ACO2: variants seen among roughly 807,000 people sequenced by gnomAD.
The protein encoded by ACO2 is aconitate hydratase, mitochondrial.
ACO2 carries 31 observed loss-of-function variants against 84.5 expected under a neutral mutation model. The observed-to-expected ratio is 0.37, with a 90% CI of 0.28 to 0.50. ACO2 has a LOEUF of 0.50. Ranked by LOEUF, ACO2 falls within the 20% of genes least tolerant of loss-of-function variation. ACO2 has a pLI of 0.97. For missense variants in ACO2, 685 were observed against 1,029.3 expected (o/e 0.67, Z 4.58); for synonymous variants, 414 against 412.7 (o/e 1.00, Z -0.04).
At chr22:41,517,921 T>C (rs1183975703) in intron 7 of ACO2, among the ~76,000 whole-genome samples, 1 of 152,256 alleles carries the variant, frequency 6.6e-6, no homozygotes, top group Non-Finnish European at 1.5e-5. Context: ...CTTCTCGGCC[T>C]GGTCCCTGCT....
chr22:41,527,362 G>A lies in ACO2; in HGVS notation c.2028G>A (p.Leu676=). 1.2e-6 allele frequency: 2 copies of A among 1,614,042 alleles called. No homozygotes were observed. The highest frequency in any genetic ancestry group is 8.5e-7 in the Non-Finnish European group (1 of 1,180,006). Residue 676 remains leucine, a synonymous_variant, in exon 16 of 18, where the codon CTG becomes CTA. Transcript: ENST00000216254. ...GEGSSREHAA[L]EPRHLGGRAI... ...GCTCGAGCCGGGAGCATGCAGCTCT[G>A]GAGCCTCGCCACCTTGGGGGCCGGG...
At chr22:41,523,333 C>T (rs2066542863) in intron 11 of ACO2, 55 bp downstream of exon 11, 2 of 1,398,236 alleles carry the variant, frequency 1.4e-6, no homozygotes, top group South Asian at 2.6e-5. Flanking sequence ...TACAGAGCCC[C>T]AGAAGTTGGA....
intron 1 of ACO2, among the ~76,000 whole-genome samples, chr22:41,471,212 T>C (rs908451056): frequency 2.6e-5 from 4 of 152,208 alleles, no homozygotes; most frequent in Non-Finnish European, 5.9e-5. Context: ...TAACCTCTTA[T>C]ACAGGTGGAA....
intron 1 of ACO2, chr22:41,469,401 G>A (rs953052517): frequency 4.1e-6 from 2 of 490,338 alleles, no homozygotes; most frequent in Admixed American, 8.4e-5. Context: ...TGCCTCGCAA[G>A]AAGCGTGGGC....
chr22:41,497,140 C>A (rs989104703), intron 1 of ACO2, among the ~76,000 whole-genome samples: 1 of 151,742 alleles, frequency 6.6e-6, no homozygotes, highest in Non-Finnish European at 1.5e-5. Context: ...GTGATCTTGG[C>A]TCACTGCAAC....
At chr22:41,524,422 C>T (rs2066558362) in intron 12 of ACO2, among the ~76,000 whole-genome samples, 1 of 152,170 alleles carries the variant, frequency 6.6e-6, no homozygotes, top group South Asian at 2.1e-4. Flanking sequence ...TGGCCAGGCT[C>T]TCTTGACTTG....
At chr22:41,512,292 G>T in intron 4 of ACO2, 1 of 244,986 alleles carries the variant, frequency 4.1e-6, no homozygotes, top group Non-Finnish European at 7.9e-6. Context: ...ACAGAACATG[G>T]TATTATTTTG....
intron 1 of ACO2, among the ~76,000 whole-genome samples, chr22:41,491,543 T>C (rs1050525075): frequency 6.6e-5 from 10 of 152,168 alleles, no homozygotes; most frequent in African/African-American, 2.4e-4. Context: ...CTAAGGCTTC[T>C]GGAAAATGCT....
intron 2 of ACO2, 47 bp from the exon 3 acceptor site, chr22:41,507,743 AG>A (rs2066404253): frequency 6.3e-7 from 1 of 1,579,140 alleles, no homozygotes; most frequent in Admixed American, 1.7e-5. Flanking sequence ...GGGCGGGAGG[AG>A]GCCGTGCAGC....
At chr22:41,480,961 A>G (rs938588270) in intron 1 of ACO2, among the ~76,000 whole-genome samples, 1 of 152,064 alleles carries the variant, frequency 6.6e-6, no homozygotes, top group African/African-American at 2.4e-5. Context: ...GACTATAGAC[A>G]CAGGCTAATT....
intron 1 of ACO2, among the ~76,000 whole-genome samples, chr22:41,470,528 CTTTTTTTTTTTTTTTTT>C (rs71184811): frequency 4.1e-4 from 39 of 95,836 alleles, no homozygotes; most frequent in East Asian, 7.9e-4. Context: ...CTCTTTACAT[CTTTTTTTTTTTTTTTTT>C]TTTTTTTTTT....
chr22:41,496,277 T>C (rs1011645578), intron 1 of ACO2, among the ~76,000 whole-genome samples: 4 of 152,004 alleles, frequency 2.6e-5, no homozygotes, highest in African/African-American at 9.7e-5. Context: ...ATCGTGCCAC[T>C]ACACTCCAGC....
Position 41,528,957 on chromosome 22 carries a change from A to G in ACO2, c.*344A>G. ...GAGAACCTTTTGTTCTTGCAAGGAA[A>G]ACAAGAATCCAAAACCAGTGACTGT... On this transcript the variant is annotated 3_prime_UTR_variant, in exon 18 of 18. Transcript: ENST00000216254. 1 of 518,322 alleles carries G rather than the reference A, an allele frequency of 1.9e-6. No homozygotes were observed. Among genetic ancestry groups the G allele is most frequent in the Non-Finnish European group, 3.4e-6 (1 of 293,604 alleles). The allele number at this position is 518,322 out of a possible 1,614,324, so 32.1% of individuals were successfully genotyped here. A position where few individuals can be genotyped will look rare whatever the true frequency, so the allele number is the denominator to read the frequency against.
chr22:41,512,910 G>A (rs957657574), intron 4 of ACO2, among the ~76,000 whole-genome samples: 2 of 152,088 alleles, frequency 1.3e-5, no homozygotes, highest in African/African-American at 2.4e-5. Context: ...CCTTTGCAAG[G>A]TGGCCCTTCC....
chr22:41,527,599 G>GCTTCCCGC, intron 16 of ACO2, 179 bp downstream of exon 16: 4 of 923,322 alleles, frequency 4.3e-6, no homozygotes, highest in Non-Finnish European at 6.3e-6. Context: ...CAGCTTCCCG[G>GCTTCCCGC]CTTCCCGCAG....
At chr22:41,523,975 G>A (rs2066551192) in intron 12 of ACO2, 34 bp downstream of exon 12, 4 of 1,585,212 alleles carry the variant, frequency 2.5e-6, no homozygotes, top group Non-Finnish European at 3.5e-6. Flanking sequence ...AGCCTGGGAT[G>A]GCCTCTGGGG....
Position 41,522,988 on chromosome 22 carries a change from G to A in ACO2, c.1296+1G>A. The A allele has an allele frequency of 6.2e-7, 1 of 1,614,118 alleles. No individual in the cohort carries two copies. Among genetic ancestry groups the A allele is most frequent in the Non-Finnish European group, 8.5e-7 (1 of 1,180,000 alleles). On this transcript the variant is annotated splice_donor_variant, in intron 10 of 17. Coordinates refer to ENST00000216254, the MANE Select transcript of ACO2 (RefSeq NM_001098.3). LOFTEE classifies it high-confidence loss of function. ...CGCCACCATTGAGCGGGACGGCTATGTGAGTGCCCATATCCCCCTGCCCAT... is the reference window on the plus strand; with the variant it reads ...CGCCACCATTGAGCGGGACGGCTATATGAGTGCCCATATCCCCCTGCCCAT...
At position 41,517,612 on chromosome 22, in the gene ACO2, G is replaced by A; in HGVS notation, c.921G>A (p.Leu307=). The part of the protein sequence containing the change: ...FPYNHRMKKY[L]SKTGREDIAN... Reference sequence around the variant, plus strand: ...ACAACCACAGGATGAAGAAGTACCTGAGCAAGACCGGCCGGGAAGGTGAGC... The same window carrying A: ...ACAACCACAGGATGAAGAAGTACCTAAGCAAGACCGGCCGGGAAGGTGAGC... The change falls in exon 7 of 18, where the codon CTG becomes CTA. Residue 307 remains leucine (L), a synonymous_variant. Transcript: ENST00000216254. The A allele has an allele frequency of 6.2e-7, 1 of 1,614,010 alleles. No homozygotes were observed. The highest frequency in any genetic ancestry group is 8.5e-7 in the Non-Finnish European group (1 of 1,179,986).
chr22:41,491,317 A>G (rs1331574397), intron 1 of ACO2, among the ~76,000 whole-genome samples: 2 of 152,214 alleles, frequency 1.3e-5, no homozygotes, highest in Non-Finnish European at 2.9e-5. Flanking sequence ...GCCCATGAGC[A>G]GAAGGGGTTT....
Sources: allele counts gnomAD v4.1 joint callset (sites outside exome capture counted in the v4.1 genomes callset), GRCh38; gene constraint gnomAD v4.1.1; transcripts MANE v1.5; gene names NCBI Gene and HGNC (gene_info 2026-07-23, HGNC 2026-07-21).